The following PACRGL variants were observed in gnomAD, a reference collection of about 807,000 sequenced individuals.
PACRGL encodes PACRG-like protein.
A neutral mutation model predicts 34.5 loss-of-function variants in PACRGL; 38 were observed. That is an observed-to-expected ratio of 1.10 (90% CI 0.85 to 1.44). The LOEUF is 1.44. Ranked by LOEUF, PACRGL falls within the 40% of genes most tolerant of loss-of-function variation. PACRGL has a pLI of 0.00. For synonymous variants in PACRGL, 128 were observed against 100.1 expected (o/e 1.28, Z -1.66); for missense variants, 305 against 281.4 (o/e 1.08, Z -0.60).
chr4:20,739,242 C>T lies in PACRGL; in HGVS notation c.*56+11845C>T, dbSNP rs566528760. On this transcript the variant is annotated intron_variant, in intron 8 of 8. Transcript: ENST00000507634. ...ACAGCTTTGAAGAGAGTAGTTCTCC[C>T]AGCATGGAGTTTGAGATCTGAGAAC... 3.3e-5 allele frequency among the ~76,000 whole-genome samples: 5 copies of T among 152,332 alleles called. No homozygotes were observed. In the South Asian group the frequency reaches 8.3e-4, roughly 25 times the overall value.
intron 3 of PACRGL, 38 bp downstream of exon 3, chr4:20,704,852 A>G: frequency 6.2e-7 from 1 of 1,604,580 alleles, no homozygotes; most frequent in Non-Finnish European, 8.5e-7. Flanking sequence ...TAGATTTTTT[A>G]AAGGCATTTC....
chr4:20,702,717 T>C (rs10516360), intron 1 of PACRGL: 2 of 152,584 alleles, frequency 1.3e-5, no homozygotes, highest in Non-Finnish European at 2.9e-5. Flanking sequence ...TAAATACTTG[T>C]TGAATGATCA....
chr4:20,709,989 G>A (rs1736366195), intron 5 of PACRGL, among the ~76,000 whole-genome samples: 1 of 152,124 alleles, frequency 6.6e-6, no homozygotes, highest in Non-Finnish European at 1.5e-5. Context: ...GAATTAGTCT[G>A]CATAGGGATT....
At chr4:20,745,582 G>C (rs1752246518) in intron 8 of PACRGL, among the ~76,000 whole-genome samples, 1 of 152,174 alleles carries the variant, frequency 6.6e-6, no homozygotes, top group African/African-American at 2.4e-5. Flanking sequence ...AATGTGAAAG[G>C]AGGTTATATC....
intron 8 of PACRGL, among the ~76,000 whole-genome samples, chr4:20,742,654 C>T (rs560813203): frequency 1.3e-4 from 20 of 152,230 alleles, no homozygotes; most frequent in African/African-American, 4.6e-4. Context: ...AAAACTGGCA[C>T]AAGACAGGGA....
Position 20,729,904 on chromosome 4 carries a change from C to A in PACRGL, c.*2563C>A. On this transcript the variant is annotated 3_prime_UTR_variant, in exon 9 of 9. Coordinates refer to ENST00000503585, the MANE Select transcript of PACRGL (RefSeq NM_001258345.3). ...ACTCAGTGGCATTATGAAAAGGATGCAAATTTATAACTGAAAGCTCAAATC... is the reference window on the plus strand; with the variant it reads ...ACTCAGTGGCATTATGAAAAGGATGAAAATTTATAACTGAAAGCTCAAATC... 1.6e-6 allele frequency: 1 copy of A among 613,532 alleles called. No homozygotes were observed. Among genetic ancestry groups the A allele is most frequent in the South Asian group, 3.9e-5 (1 of 25,864 alleles). The allele number at this position is 613,532 out of a possible 1,614,324, so 38.0% of individuals were successfully genotyped here. A position where few individuals can be genotyped will look rare whatever the true frequency, so the allele number is the denominator to read the frequency against.
chr4:20,742,937 C>G (rs79667669), intron 8 of PACRGL, among the ~76,000 whole-genome samples: 1 of 151,816 alleles, frequency 6.6e-6, no homozygotes, highest in Non-Finnish European at 1.5e-5. Flanking sequence ...CAAACAGAGC[C>G]AAATCATGAG....
chr4:20,713,461 A>G lies in PACRGL; in HGVS notation c.531A>G (p.Arg177=). ...LVHSDDEVFE[R]GLNALVQLSV... is the part of the protein sequence containing the mutation. ...ATTCGGATGATGAAGTGTTTGAAAG[A>G]GGATTGAATGCTCTAGTTCAGCTAA... The change falls in exon 7 of 9, where the codon AGA becomes AGG. Residue 177 remains arginine, a synonymous_variant. Coordinates refer to ENST00000503585, the MANE Select transcript of PACRGL (RefSeq NM_001258345.3). The G allele has an allele frequency of 6.2e-7, 1 of 1,613,698 alleles. No homozygotes were observed. The highest frequency in any genetic ancestry group is 1.1e-5 in the South Asian group (1 of 91,060).
intron 8 of PACRGL, among the ~76,000 whole-genome samples, chr4:20,747,024 A>G (rs1437073970): frequency 6.6e-6 from 1 of 152,226 alleles, no homozygotes; most frequent in African/African-American, 2.4e-5. Flanking sequence ...TTCAAACTTT[A>G]TTAATTTAGC....
chr4:20,717,304 G>A (rs969047868), intron 7 of PACRGL, among the ~76,000 whole-genome samples: 1 of 152,154 alleles, frequency 6.6e-6, no homozygotes, highest in East Asian at 1.9e-4. Flanking sequence ...TCTGATGGTA[G>A]TTTCTTTTGC....
intron 8 of PACRGL, among the ~76,000 whole-genome samples, chr4:20,743,970 C>G (rs2149315911): frequency 6.6e-6 from 1 of 152,018 alleles, no homozygotes; most frequent in Non-Finnish European, 1.5e-5. Context: ...ACAGACTCTT[C>G]TCAAAAGAAG....
the PACRGL span, among the ~76,000 whole-genome samples, chr4:20,764,868 G>A: frequency 1.3e-5 from 2 of 152,116 alleles, no homozygotes; most frequent in African/African-American, 2.4e-5. Flanking sequence ...GCACTCAGCC[G>A]GACCACATCA....
intron 8 of PACRGL, among the ~76,000 whole-genome samples, chr4:20,745,478 G>A (rs1034267742): frequency 6.6e-5 from 10 of 152,124 alleles, no homozygotes; most frequent in Non-Finnish European, 1.0e-4. Context: ...CTTTTGCTCC[G>A]TGCTTTTCTG....
intron 8 of PACRGL, among the ~76,000 whole-genome samples, chr4:20,738,284 G>C (rs140821133): frequency 6.6e-6 from 1 of 152,128 alleles, no homozygotes; most frequent in Non-Finnish European, 1.5e-5. Context: ...AATTCACAGC[G>C]TAGTAATAAT....
chr4:20,722,686 T>C (rs570614634), intron 7 of PACRGL, among the ~76,000 whole-genome samples: 92 of 152,236 alleles, frequency 6.0e-4, no homozygotes, highest in Non-Finnish European at 1.1e-3. Context: ...CCATCATAAA[T>C]CACATTGTAT....
chr4:20,733,001 C>G (rs1319400367), downstream of PACRGL, among the ~76,000 whole-genome samples: 1 of 152,162 alleles, frequency 6.6e-6, no homozygotes, highest in Non-Finnish European at 1.5e-5. Flanking sequence ...GAATTCTGAT[C>G]TCTTGGTTTC....
At chr4:20,709,235 T>A (rs1210788093) in intron 4 of PACRGL, among the ~76,000 whole-genome samples, 1 of 152,230 alleles carries the variant, frequency 6.6e-6, no homozygotes, top group Admixed American at 6.5e-5. Flanking sequence ...CTCAGTTTTC[T>A]TCTCTTTAAC....
downstream of PACRGL, among the ~76,000 whole-genome samples, chr4:20,757,015 C>T (rs1006650713): frequency 6.6e-6 from 1 of 152,130 alleles, no homozygotes; most frequent in Non-Finnish European, 1.5e-5. Context: ...CTGAGCCTCA[C>T]ATTTGTGCCA....
rs1332806060 is a variant in PACRGL at position 20,702,241 on chromosome 4, G to T, written c.-17+1454G>T. On this transcript the variant is annotated intron_variant, in intron 1 of 8. Transcript: ENST00000503585. ...GAATTGGTAGGTAGTATTGAAAAAT[G>T]TGCATCATAATTTGATATGGCTGCC... 15 of 456,266 alleles carry T rather than the reference G, an allele frequency of 3.3e-5. No individual in the cohort carries two copies. In the East Asian group the frequency reaches 1.0e-3, roughly 32 times the overall value. 28.3% of individuals were successfully genotyped at this position (456,266 alleles called of 1,614,324 possible).
Sources: gnomAD v4.1 joint callset for allele counts (sites outside exome capture counted in the v4.1 genomes callset) on GRCh38, gnomAD v4.1.1 for gene constraint, MANE v1.5 for transcripts, NCBI Gene and HGNC (gene_info 2026-07-23, HGNC 2026-07-21) for gene names.